The following NRG1 variants were observed in gnomAD, a reference collection of about 807,000 sequenced individuals.
NRG1 encodes the protein pro-neuregulin-1, membrane-bound isoform.
In NRG1, 18 loss-of-function variants were observed where a neutral mutation model predicts 63.8. That is an observed-to-expected ratio of 0.28 (90% CI 0.19 to 0.42). The LOEUF (loss-of-function observed/expected upper bound fraction) is 0.42. Ranked by LOEUF, NRG1 falls within the 10% of genes least tolerant of loss-of-function variation. The pLI is 1.00. For synonymous variants in NRG1, 302 were observed against 301.3 expected (o/e 1.00, Z -0.02); for missense variants, 762 against 814.7 (o/e 0.94, Z 0.79).
intron 7 of NRG1, among the ~76,000 whole-genome samples, chr8:32,753,795 T>C (rs902615975): frequency 2.6e-5 from 4 of 152,196 alleles, no homozygotes; most frequent in African/African-American, 7.2e-5. Context: ...CAAATGTCTT[T>C]GAATTTAATA....
intron 1 of NRG1, among the ~76,000 whole-genome samples, chr8:32,374,844 A>T (rs1363879362): frequency 1.3e-5 from 2 of 152,142 alleles, no homozygotes; most frequent in Admixed American, 1.3e-4. Flanking sequence ...CAGAGATCAG[A>T]TTATCTTCTG....
chr8:32,771,963 C>A (rs1449484929), downstream of NRG1, among the ~76,000 whole-genome samples: 1 of 138,428 alleles, frequency 7.2e-6, no homozygotes, highest in Non-Finnish European at 1.6e-5. Context: ...GCAGAGGTTG[C>A]AGTGAGTTGA....
chr8:32,014,393 A>G (rs1278425344), intron 1 of NRG1, among the ~76,000 whole-genome samples: 3 of 152,080 alleles, frequency 2.0e-5, no homozygotes, highest in Non-Finnish European at 4.4e-5. Context: ...ATTTTTGCAC[A>G]TTGATTTTGT....
At chr8:32,356,396 C>A (rs1806393381) in intron 1 of NRG1, among the ~76,000 whole-genome samples, 1 of 151,258 alleles carries the variant, frequency 6.6e-6, no homozygotes, top group Non-Finnish European at 1.5e-5. Flanking sequence ...AAAATATGCT[C>A]ACAGGAAATA....
At chr8:32,730,324 G>A (rs1047553158) in intron 6 of NRG1, among the ~76,000 whole-genome samples, 1 of 152,060 alleles carries the variant, frequency 6.6e-6, no homozygotes, top group Non-Finnish European at 1.5e-5. Flanking sequence ...ATGGTGGCAT[G>A]CACCTGTAGT....
intron 1 of NRG1, among the ~76,000 whole-genome samples, chr8:31,663,423 T>A (rs1412226047): frequency 6.6e-6 from 1 of 152,146 alleles, no homozygotes. Flanking sequence ...TCCTCCTGCC[T>A]CCAAACCACC....
chr8:32,389,847 G>T (rs1416803535), intron 1 of NRG1, among the ~76,000 whole-genome samples: 4 of 150,666 alleles, frequency 2.7e-5, no homozygotes, highest in Non-Finnish European at 5.9e-5. Flanking sequence ...TGCAACCTCT[G>T]CCTCCCAGGT....
chr8:32,417,956 G>T (rs969313577), intron 1 of NRG1, among the ~76,000 whole-genome samples: 13 of 151,822 alleles, frequency 8.6e-5, no homozygotes, highest in African/African-American at 2.9e-4. Flanking sequence ...CAACTATATT[G>T]TCCTTATCTT....
chr8:32,085,508 T>A (rs1391079565), intron 1 of NRG1, among the ~76,000 whole-genome samples: 1 of 152,208 alleles, frequency 6.6e-6, no homozygotes, highest in Non-Finnish European at 1.5e-5. Context: ...TGTCAATGCC[T>A]TCAGAAGAAT....
chr8:31,898,966 A>G (rs898085666), intron 1 of NRG1, among the ~76,000 whole-genome samples: 3 of 152,160 alleles, frequency 2.0e-5, no homozygotes, highest in South Asian at 4.1e-4. Context: ...GTAGCTGCAA[A>G]TGCCTTTCAC....
At chr8:31,766,731 C>A (rs1414311310) in intron 1 of NRG1, among the ~76,000 whole-genome samples, 3 of 152,126 alleles carry the variant, frequency 2.0e-5, no homozygotes, top group Non-Finnish European at 4.4e-5. Context: ...CTGCCACAAG[C>A]AATACTCTAG....
chr8:31,842,529 C>A (rs1826291041), intron 1 of NRG1, among the ~76,000 whole-genome samples: 1 of 152,156 alleles, frequency 6.6e-6, no homozygotes, highest in Non-Finnish European at 1.5e-5. Flanking sequence ...TATGCCAACA[C>A]TATGGGTTGA....
exon 11 of NRG1, chr8:32,760,359 T>A (rs1238131775): frequency 1.2e-6 from 2 of 1,613,974 alleles, no homozygotes; most frequent in Admixed American, 3.3e-5. Context: ...TCCTCAGGCA[T>A]GCCAGAGAAA....
chr8:31,931,548 T>A (rs182146750), intron 1 of NRG1, among the ~76,000 whole-genome samples: 2 of 152,314 alleles, frequency 1.3e-5, no homozygotes, highest in East Asian at 3.9e-4. Context: ...ACACGCGTGA[T>A]AATTGTCCTA....
At chr8:32,424,607 A>C (rs1300348925) in intron 1 of NRG1, among the ~76,000 whole-genome samples, 1 of 152,182 alleles carries the variant, frequency 6.6e-6, no homozygotes, top group Non-Finnish European at 1.5e-5. Context: ...GTGGTGGCTC[A>C]CACCCATAAT....
chr8:31,933,388 C>A (rs994460030), intron 1 of NRG1, among the ~76,000 whole-genome samples: 6 of 151,994 alleles, frequency 3.9e-5, no homozygotes. Flanking sequence ...TCAAGTGACT[C>A]TCCTGCCTCA....
chr8:31,887,446 T>A (rs1313878352), intron 1 of NRG1, among the ~76,000 whole-genome samples: 1 of 152,006 alleles, frequency 6.6e-6, no homozygotes, highest in East Asian at 1.9e-4. Flanking sequence ...TTAGGGGTGG[T>A]GTGGATATTC....
At chr8:32,292,780 A>G (rs1162887746) in intron 1 of NRG1, among the ~76,000 whole-genome samples, 3 of 152,206 alleles carry the variant, frequency 2.0e-5, no homozygotes, top group African/African-American at 7.2e-5. Flanking sequence ...AGACACTAAC[A>G]TTCAGAAACA....
intron 1 of NRG1, among the ~76,000 whole-genome samples, chr8:31,702,319 G>A (rs1425878117): frequency 2.0e-5 from 3 of 152,018 alleles, no homozygotes; most frequent in East Asian, 1.9e-4. Context: ...ATGGAATCAC[G>A]CACCTCATGG....
Sources: gnomAD v4.1 joint callset for allele counts (sites outside exome capture counted in the v4.1 genomes callset) on GRCh38, gnomAD v4.1.1 for gene constraint, MANE v1.5 for transcripts, NCBI Gene and HGNC (gene_info 2026-07-23, HGNC 2026-07-21) for gene names.